NPAS3: variants seen among roughly 807,000 people sequenced by gnomAD.
The protein encoded by NPAS3 is neuronal PAS domain-containing protein 3.
A neutral mutation model predicts 73.1 loss-of-function variants in NPAS3; 14 were observed. That is an observed-to-expected ratio of 0.19 (90% CI 0.13 to 0.30). The LOEUF (loss-of-function observed/expected upper bound fraction) is 0.30, where lower values mean the gene tolerates loss of function less well. Among genes scored for constraint, NPAS3 ranks in the 10% least tolerant of loss-of-function variants. The probability of loss-of-function intolerance (pLI) is 1.00; values close to 1 mark genes in which losing one functional copy is unlikely to be tolerated. For missense variants in NPAS3, 1,096 were observed against 1,250.0 expected (o/e 0.88, Z 1.86); for synonymous variants, 620 against 541.5 (o/e 1.14, Z -2.01).
At chr14:33,667,529 G>GACTA (rs1191297226) in intron 5 of NPAS3, among the ~76,000 whole-genome samples, 1 of 152,054 alleles carries the variant, frequency 6.6e-6, no homozygotes, top group Non-Finnish European at 1.5e-5. Context: ...CTCTATCCAA[G>GACTA]ACTAACTCAG....
chr14:33,271,912 A>G (rs1368774778), intron 3 of NPAS3, among the ~76,000 whole-genome samples: 2 of 152,190 alleles, frequency 1.3e-5, no homozygotes. Flanking sequence ...TCAAAGAGAA[A>G]GTAGAAAAAA....
chr14:33,185,157 T>C lies in NPAS3; in HGVS notation c.141-30025T>C, dbSNP rs532922429. On this transcript the variant is annotated intron_variant, in intron 2 of 11. Coordinates refer to ENST00000356141, the Ensembl canonical transcript of NPAS3. ...GCCTTTTCAGGATTCTTATCGTGAA[T>C]GCTTCTAGTACAGTGGAAGAACCAG... is the stretch of plus-strand genomic sequence containing the variant. 3.0e-3 allele frequency among the ~76,000 whole-genome samples: 452 copies of C among 152,332 alleles called. 2 individuals carry two copies. The highest frequency in any genetic ancestry group is 0.01 in the African/African-American group (431 of 41,570).
At chr14:33,726,117 A>G (rs2061257101) in intron 6 of NPAS3, among the ~76,000 whole-genome samples, 1 of 152,142 alleles carries the variant, frequency 6.6e-6, no homozygotes, top group Non-Finnish European at 1.5e-5. Context: ...ATCAGTAAAC[A>G]TACTCAAGTC....
chr14:33,341,426 T>C lies in NPAS3; in HGVS notation c.386-25760T>C, dbSNP rs544429787. Reference sequence around the variant, plus strand: ...GCTTAAAGTCCTGGACATGACTTTATGGAAAAATTTTATTTTTTTATTTTA... The same window carrying C: ...GCTTAAAGTCCTGGACATGACTTTACGGAAAAATTTTATTTTTTTATTTTA... On this transcript the variant is annotated intron_variant, in intron 3 of 11. Transcript: ENST00000356141. 1.1e-4 allele frequency among the ~76,000 whole-genome samples: 16 copies of C among 152,316 alleles called. 1 individual carries two copies. The South Asian group carries it at 2.7e-3, about 26-fold the overall frequency.
intron 4 of NPAS3, among the ~76,000 whole-genome samples, chr14:33,424,539 G>A (rs1179267027): frequency 6.6e-6 from 1 of 152,006 alleles, no homozygotes; most frequent in African/African-American, 2.4e-5. Context: ...ATCCCCATGA[G>A]CCTGGGAATG....
exon 8 of NPAS3, chr14:33,774,371 T>C (rs1291136837): frequency 6.2e-7 from 1 of 1,613,976 alleles, no homozygotes; most frequent in Non-Finnish European, 8.5e-7. Context: ...CGCCTGAGAG[T>C]GTCGCTGTCC....
intron 2 of NPAS3, among the ~76,000 whole-genome samples, chr14:33,209,480 A>AG (rs144284182): frequency 0.013 from 1,951 of 152,284 alleles, 20 homozygotes; most frequent in Middle Eastern, 0.024. Flanking sequence ...TAGGTACTGG[A>AG]GTAACTATAG....
intron 6 of NPAS3, among the ~76,000 whole-genome samples, chr14:33,676,608 G>A (rs2059775277): frequency 6.6e-6 from 1 of 152,214 alleles, no homozygotes; most frequent in Non-Finnish European, 1.5e-5. Flanking sequence ...AACAATACAT[G>A]TAGAAGGTAC....
chr14:33,791,018 G>A (rs761397055), intron 9 of NPAS3, among the ~76,000 whole-genome samples: 26 of 152,310 alleles, frequency 1.7e-4, no homozygotes, highest in South Asian at 4.1e-4. Flanking sequence ...ACTCTGCACC[G>A]TATCTGTAGT....
In NPAS3 at chr14:33,735,687, C is replaced by T. The variant is rs1244675539; in HGVS notation, c.852+355C>T. On this transcript the variant is annotated intron_variant, in intron 7 of 11. Coordinates refer to ENST00000356141, the Ensembl canonical transcript of NPAS3. ...CTAGGACTGCTACTTAGGAGAGTTC[C>T]ACTTCTCTCGCTTTCCCCTTCAAAT... 2.6e-5 allele frequency among the ~76,000 whole-genome samples: 4 copies of T among 152,034 alleles called. No individual in the cohort carries two copies. The East Asian group carries it at 7.8e-4, about 30-fold the overall frequency.
intron 2 of NPAS3, among the ~76,000 whole-genome samples, chr14:33,127,204 T>C (rs774387375): frequency 6.6e-6 from 1 of 152,164 alleles, no homozygotes; most frequent in East Asian, 1.9e-4. Context: ...GTCTTGTTTC[T>C]GATTTTAAAT....
At chr14:33,360,051 C>T (rs1011036457) in intron 3 of NPAS3, among the ~76,000 whole-genome samples, 15 of 152,198 alleles carry the variant, frequency 9.9e-5, no homozygotes, top group African/African-American at 3.6e-4. Context: ...GTGCTACCCA[C>T]TCTGAGTGGC....
At position 33,171,675 on chromosome 14, in the gene NPAS3, C is replaced by A. The variant is rs141666642; in HGVS notation, c.141-43507C>A. The stretch of plus-strand genomic sequence containing the variant: ...AAACTTTCTCCCTGTCAGCAATAAG[C>A]CTCTTTTCACTTTCGTATTATTTGT... On this transcript the variant is annotated intron_variant, in intron 2 of 11. Transcript: ENST00000356141. 1.5e-3 allele frequency among the ~76,000 whole-genome samples: 225 copies of A among 152,272 alleles called. 2 individuals carry two copies. Among genetic ancestry groups the A allele is most frequent in the African/African-American group, 5.0e-3 (209 of 41,542 alleles).
chr14:33,090,590 G>A (rs1450023592), intron 2 of NPAS3, among the ~76,000 whole-genome samples: 4 of 152,226 alleles, frequency 2.6e-5, no homozygotes, highest in Admixed American at 6.5e-5. Flanking sequence ...ACAGATCAAC[G>A]AGACAGAAAG....
At chr14:33,633,406 T>C (rs2058432408) in intron 5 of NPAS3, among the ~76,000 whole-genome samples, 1 of 152,214 alleles carries the variant, frequency 6.6e-6, no homozygotes, top group African/African-American at 2.4e-5. Flanking sequence ...CATGTGTTGC[T>C]TAATGATGGG....
chr14:33,788,832 A>G (rs535138793), intron 9 of NPAS3, among the ~76,000 whole-genome samples: 73 of 152,184 alleles, frequency 4.8e-4, no homozygotes, highest in African/African-American at 1.6e-3. Context: ...ACGGATGTGT[A>G]CCTCAGGAAA....
intron 11 of NPAS3, among the ~76,000 whole-genome samples, chr14:33,798,211 T>C (rs1389206174): frequency 6.6e-6 from 1 of 152,152 alleles, no homozygotes; most frequent in Non-Finnish European, 1.5e-5. Flanking sequence ...ATTTCCTGAA[T>C]CTATGCAGAA....
chr14:33,260,329 T>C (rs992917926), intron 3 of NPAS3, among the ~76,000 whole-genome samples: 6 of 151,854 alleles, frequency 4.0e-5, no homozygotes, highest in Non-Finnish European at 5.9e-5. Flanking sequence ...CCTGGTCAAC[T>C]TTTTCTTCTT....
At position 33,245,107 on chromosome 14, in the gene NPAS3, A is replaced by G. The variant is rs113912972; in HGVS notation, c.385+29681A>G. ...ACTCCTTTTCATAAAAGCAGGTGGT[A>G]TGAGTGGGGCTATAGATGATACATT... On this transcript the variant is annotated intron_variant, in intron 3 of 11. Coordinates refer to ENST00000356141, the Ensembl canonical transcript of NPAS3. Among the ~76,000 whole-genome samples, 911 of 152,312 alleles carry G rather than the reference A, an allele frequency of 6.0e-3. 2 individuals are homozygous for G. The highest frequency in any genetic ancestry group is 0.031 in the Middle Eastern group (9 of 294).
Sources: allele counts gnomAD v4.1 joint callset (sites outside exome capture counted in the v4.1 genomes callset), GRCh38; gene constraint gnomAD v4.1.1; transcripts MANE v1.5; gene names NCBI Gene and HGNC (gene_info 2026-07-23, HGNC 2026-07-21).